The following RAD51B variants were observed in gnomAD, a reference collection of about 807,000 sequenced individuals.
RAD51B encodes RAD51 paralog B.
Under a neutral mutation model 42.2 loss-of-function variants are expected in RAD51B, and 38 were observed. The ratio of observed to expected loss-of-function variants is 0.90; its 90% CI spans 0.70 to 1.18. The LOEUF is 1.18. Ranked by LOEUF, RAD51B falls within the 50% of genes most tolerant of loss-of-function variation. The pLI, the probability that RAD51B is intolerant of heterozygous loss-of-function variation, is 0.00. For missense variants in RAD51B, 373 were observed against 400.7 expected (o/e 0.93, Z 0.59); for synonymous variants, 154 against 145.2 (o/e 1.06, Z -0.43).
chr14:68,125,600 C>T (rs969890694), intron 7 of RAD51B, among the ~76,000 whole-genome samples: 4 of 152,048 alleles, frequency 2.6e-5, no homozygotes, highest in Non-Finnish European at 5.9e-5. Context: ...TTAATGTGTA[C>T]ATATTCAGGT....
intron 11 of RAD51B, among the ~76,000 whole-genome samples, chr14:68,661,300 A>T (rs1373497373): frequency 6.6e-6 from 1 of 152,208 alleles, no homozygotes; most frequent in East Asian, 1.9e-4. Context: ...CGCTTTACAG[A>T]ACAGGAGACA....
intron 11 of RAD51B, among the ~76,000 whole-genome samples, chr14:68,678,221 A>T (rs1213850546): frequency 1.3e-5 from 2 of 152,134 alleles, no homozygotes; most frequent in Non-Finnish European, 2.9e-5. Context: ...CGGCTGGTCC[A>T]TGGCCCATCC....
At chr14:68,618,230 A>G (rs902720849) in intron 10 of RAD51B, among the ~76,000 whole-genome samples, 6 of 152,186 alleles carry the variant, frequency 3.9e-5, no homozygotes, top group African/African-American at 1.2e-4. Context: ...TGGCCTGTCA[A>G]CCTGTCTAGA....
At chr14:68,275,250 C>G (rs557204438) in intron 7 of RAD51B, among the ~76,000 whole-genome samples, 1 of 152,274 alleles carries the variant, frequency 6.6e-6, no homozygotes, top group African/African-American at 2.4e-5. Context: ...CAGGGAGTTT[C>G]TCTGTGACCC....
At chr14:68,371,212 G>A (rs1566839326) in intron 8 of RAD51B, among the ~76,000 whole-genome samples, 1 of 151,726 alleles carries the variant, frequency 6.6e-6, no homozygotes, top group East Asian at 2.0e-4. Flanking sequence ...GTGCAGGTTA[G>A]GGGATTAAGA....
chr14:68,300,187 C>T lies in RAD51B; in HGVS notation c.853+8207C>T, dbSNP rs142270366. ...AAGTAGGACTGTGTAGCTCTGTTGA[C>T]CCCTTTAGTCATTTTCATTCTCAGC... On this transcript the variant is annotated intron_variant, in intron 8 of 10. Coordinates refer to ENST00000471583, the MANE Select transcript of RAD51B (RefSeq NM_133510.4). Among the ~76,000 whole-genome samples, 399 of 152,136 alleles carry T rather than the reference C, an allele frequency of 2.6e-3. 2 individuals are homozygous for T. Among genetic ancestry groups the T allele is most frequent in the Non-Finnish European group, 4.8e-3 (323 of 67,990 alleles).
At chr14:68,435,071 G>T (rs552943641) in intron 9 of RAD51B, among the ~76,000 whole-genome samples, 48 of 152,130 alleles carry the variant, frequency 3.2e-4, no homozygotes, top group Non-Finnish European at 6.0e-4. Flanking sequence ...GTGCAGGTTT[G>T]TTACATGGGT....
At chr14:68,363,533 T>A (rs780667803) in intron 8 of RAD51B, among the ~76,000 whole-genome samples, 1 of 152,002 alleles carries the variant, frequency 6.6e-6, no homozygotes, top group East Asian at 1.9e-4. Context: ...GGCCTCCTCA[T>A]TGGAGTGTGC....
chr14:68,155,574 C>T (rs184022117), intron 7 of RAD51B, among the ~76,000 whole-genome samples: 2 of 152,072 alleles, frequency 1.3e-5, no homozygotes, highest in Admixed American at 6.6e-5. Context: ...CACTGGGGAA[C>T]CAAGTGATTT....
chr14:68,099,355 C>A (rs1271252962), intron 7 of RAD51B, among the ~76,000 whole-genome samples: 1 of 152,200 alleles, frequency 6.6e-6, no homozygotes, highest in East Asian at 1.9e-4. Flanking sequence ...AATTCTGTCA[C>A]CATAATTAGA....
In RAD51B at chr14:67,962,606, G is replaced by C. The variant is rs369794333; in HGVS notation, c.756+75402G>C. Among the ~76,000 whole-genome samples the C allele has an allele frequency of 4.5e-4, 69 of 152,294 alleles. 1 individual carries two copies. The South Asian group carries it at 0.013, about 29-fold the overall frequency. On this transcript the variant is annotated intron_variant, in intron 7 of 10. Transcript: ENST00000471583. ...CAAGAACAGTGTACCCAGCCAAGTTGTTGTTGAGGTATAAAGGCCACAGGC... is the reference window on the plus strand; with the variant it reads ...CAAGAACAGTGTACCCAGCCAAGTTCTTGTTGAGGTATAAAGGCCACAGGC...
Position 68,090,650 on chromosome 14 carries a change from T to A in RAD51B, c.757-201234T>A, listed in dbSNP as rs1333202475. On this transcript the variant is annotated intron_variant, in intron 7 of 10. Coordinates refer to ENST00000471583, the MANE Select transcript of RAD51B (RefSeq NM_133510.4). Reference sequence around the variant, plus strand: ...ATGGTAGACTCTTTATTTTAAAAAATGTTCATAGTCTGGGTCTGTATGATT... The same window carrying A: ...ATGGTAGACTCTTTATTTTAAAAAAAGTTCATAGTCTGGGTCTGTATGATT... Among the ~76,000 whole-genome samples, 5 of 151,572 alleles carry A rather than the reference T, an allele frequency of 3.3e-5. 1 individual carries two copies. Among genetic ancestry groups the A allele is most frequent in the Admixed American group, 2.6e-4 (4 of 15,208 alleles).
At chr14:68,297,374 G>C (rs1034354230) in intron 8 of RAD51B, among the ~76,000 whole-genome samples, 15 of 152,162 alleles carry the variant, frequency 9.9e-5, no homozygotes, top group African/African-American at 3.4e-4. Flanking sequence ...AAACACTGGT[G>C]TTTCTACTTA....
intron 3 of RAD51B, 25 bp from the exon 4 acceptor site, chr14:67,835,055 A>AG (rs1252632129): frequency 1.3e-6 from 2 of 1,567,642 alleles, no homozygotes; most frequent in South Asian, 1.1e-5. Flanking sequence ...AGGTTGAAAA[A>AG]AAACTTAATC....
intron 10 of RAD51B, among the ~76,000 whole-genome samples, chr14:68,495,388 C>G (rs1369113600): frequency 6.6e-6 from 1 of 152,100 alleles, no homozygotes; most frequent in South Asian, 2.1e-4. Flanking sequence ...AAATCAGATC[C>G]TGGCACACCT....
chr14:68,667,729 C>A (rs767964175), intron 11 of RAD51B, among the ~76,000 whole-genome samples: 26 of 152,344 alleles, frequency 1.7e-4, no homozygotes, highest in South Asian at 6.2e-4. Flanking sequence ...GGACAGAATG[C>A]TTTACTATTT....
chr14:68,274,175 A>G (rs986926777), intron 7 of RAD51B, among the ~76,000 whole-genome samples: 1 of 152,098 alleles, frequency 6.6e-6, no homozygotes, highest in African/African-American at 2.4e-5. Flanking sequence ...ATGGACGATG[A>G]CCATAGGGTA....
chr14:68,263,075 C>G (rs1312353658), intron 7 of RAD51B, among the ~76,000 whole-genome samples: 1 of 152,174 alleles, frequency 6.6e-6, no homozygotes, highest in African/African-American at 2.4e-5. Flanking sequence ...AGCTGTTCGT[C>G]TTTTGAGCAA....
intron 7 of RAD51B, among the ~76,000 whole-genome samples, chr14:68,101,017 T>A (rs1365139231): frequency 6.6e-6 from 1 of 152,188 alleles, no homozygotes; most frequent in Non-Finnish European, 1.5e-5. Context: ...AGCAAATATG[T>A]CCTTCTTCAC....
Sources: gnomAD v4.1 joint callset for allele counts (sites outside exome capture counted in the v4.1 genomes callset) on GRCh38, gnomAD v4.1.1 for gene constraint, MANE v1.5 for transcripts, NCBI Gene and HGNC (gene_info 2026-07-23, HGNC 2026-07-21) for gene names.